Variants in EIF4E observed in about 807,000 individuals in gnomAD.
EIF4E encodes the protein eIF-4F 25 kDa subunit.
For synonymous variants in EIF4E, 71 were observed against 88.5 expected (o/e 0.80, Z 1.11); for missense variants, 113 against 265.6 (o/e 0.43, Z 3.99).
chr4:98,904,727 T>C (rs1016123555), intron 1 of EIF4E, among the ~76,000 whole-genome samples: 3 of 152,142 alleles, frequency 2.0e-5, no homozygotes, highest in African/African-American at 7.2e-5. Context: ...GCACAGATCG[T>C]GCCACTGTTC....
At chr4:98,881,867 G>A (rs908683957) in intron 6 of EIF4E, among the ~76,000 whole-genome samples, 1 of 152,064 alleles carries the variant, frequency 6.6e-6, no homozygotes, top group African/African-American at 2.4e-5. Context: ...TAAACATAAG[G>A]GCTGTGATAC....
chr4:98,914,948 A>G (rs2110214431), intron 1 of EIF4E, among the ~76,000 whole-genome samples: 1 of 152,244 alleles, frequency 6.6e-6, no homozygotes, highest in East Asian at 1.9e-4. Flanking sequence ...AAGAAAATTA[A>G]GTAGTTAGTT....
intron 6 of EIF4E, among the ~76,000 whole-genome samples, chr4:98,884,135 C>T (rs867177129): frequency 9.3e-5 from 14 of 151,292 alleles, no homozygotes; most frequent in Middle Eastern, 3.4e-3. Context: ...GGAACAAAAA[C>T]CAAGATATGT....
At position 98,929,059 on chromosome 4, in the gene EIF4E, G is replaced by C. The variant is rs748769708; in HGVS notation, c.18+36C>G. On this transcript the variant is annotated intron_variant, in intron 1 of 6. Coordinates refer to ENST00000450253, the MANE Select transcript of EIF4E (RefSeq NM_001968.5). ...CAGTCAGAAGGAAGACGGAGCGCGG[G>C]GACCCGTGGGGGTGGGGGCCAAAGG... 1.3e-5 allele frequency: 20 copies of C among 1,576,658 alleles called. No homozygotes were observed. In the South Asian group the frequency reaches 2.2e-4, roughly 17 times the overall value.
At chr4:98,892,335 A>AAAC (rs201097099) in intron 2 of EIF4E, among the ~76,000 whole-genome samples, 1 of 88,588 alleles carries the variant, frequency 1.1e-5, no homozygotes, top group Non-Finnish European at 2.4e-5. Flanking sequence ...AAACAAAAAA[A>AAAC]CAAACAAAAA....
chr4:98,928,334 T>C (rs1309016880), intron 1 of EIF4E, among the ~76,000 whole-genome samples: 1 of 151,990 alleles, frequency 6.6e-6, no homozygotes, highest in Non-Finnish European at 1.5e-5. Flanking sequence ...GAGGACAATG[T>C]GATACCCCTT....
rs1164471950 is a variant in EIF4E, at chr4:98,928,811, C to G, written c.18+284G>C. On this transcript the variant is annotated intron_variant, in intron 1 of 6. Coordinates refer to ENST00000450253, the MANE Select transcript of EIF4E (RefSeq NM_001968.5). Reference sequence around the variant, plus strand: ...CCCAGCCCAGAACCCCAGCTACCCTCCACCCTGTAGACACCTCGCGGTTCC... The same window carrying G: ...CCCAGCCCAGAACCCCAGCTACCCTGCACCCTGTAGACACCTCGCGGTTCC... The G allele has an allele frequency of 1.4e-5, 21 of 1,492,788 alleles. No homozygotes were observed. The Admixed American group carries it at 3.8e-4, about 27-fold the overall frequency. The allele number at this position is 1,492,788 out of a possible 1,614,324, so 92.5% of individuals were successfully genotyped here.
chr4:98,901,769 T>C (rs2110198900), intron 2 of EIF4E, 107 bp downstream of exon 2: 2 of 1,036,412 alleles, frequency 1.9e-6, no homozygotes, highest in East Asian at 2.4e-5. Context: ...CCCTCAACCT[T>C]AGCATATCTA....
intron 1 of EIF4E, among the ~76,000 whole-genome samples, chr4:98,908,246 A>T (rs1243518348): frequency 6.6e-6 from 1 of 152,194 alleles, no homozygotes; most frequent in Admixed American, 6.5e-5. Flanking sequence ...TGATTAAGTT[A>T]GAAATAATTA....
At chr4:98,909,435 G>C in intron 1 of EIF4E, 1 of 478,218 alleles carries the variant, frequency 2.1e-6, no homozygotes, top group South Asian at 4.1e-5. Context: ...CACATAAAAA[G>C]AATCACGTTC....
In EIF4E at chr4:98,929,103, C is replaced by T. The variant is rs750575002; in HGVS notation, c.10G>A (p.Val4Ile). 9 of 1,579,962 alleles carry T rather than the reference C, an allele frequency of 5.7e-6. No individual in the cohort carries two copies. The highest frequency in any genetic ancestry group is 6.0e-6 in the Non-Finnish European group (7 of 1,162,686). ...CCAAAGGCAATACTCACCGGTTCGA[C>T]AGTCGCCATCTTAGATCGATCTGAT... Reference protein sequence around the residue: MATVEPETTPTPNP... With the variant: MATIEPETTPTPNP... Residue 4 changes from valine (V) to isoleucine (I), a missense_variant, in exon 1 of 7, where the codon GTC becomes ATC. Val to Ile is a conservative substitution (Grantham distance 29). Transcript: ENST00000450253.
intron 1 of EIF4E, among the ~76,000 whole-genome samples, chr4:98,921,506 C>A (rs1725644107): frequency 6.6e-6 from 1 of 151,866 alleles, no homozygotes; most frequent in African/African-American, 2.4e-5. Context: ...GTAGCTAGGA[C>A]TACAGGCACC....
chr4:98,885,200 T>C, intron 5 of EIF4E, 139 bp from the exon 6 acceptor site: 1 of 1,039,504 alleles, frequency 9.6e-7, no homozygotes. Context: ...AAATTTTATT[T>C]GCATATATTG....
At chr4:98,927,527 G>C (rs557528709) in intron 1 of EIF4E, among the ~76,000 whole-genome samples, 1 of 151,612 alleles carries the variant, frequency 6.6e-6, no homozygotes, top group Non-Finnish European at 1.5e-5. Context: ...ACGGTTGTGC[G>C]CACCTGTAAT....
At chr4:98,920,658 A>G (rs1033058941) in intron 1 of EIF4E, among the ~76,000 whole-genome samples, 10 of 152,152 alleles carry the variant, frequency 6.6e-5, no homozygotes, top group Non-Finnish European at 1.3e-4. Flanking sequence ...TTGGACCATG[A>G]GTATGTAACT....
chr4:98,922,632 T>C (rs901414011), intron 1 of EIF4E, among the ~76,000 whole-genome samples: 5 of 152,152 alleles, frequency 3.3e-5, no homozygotes, highest in East Asian at 3.9e-4. Context: ...ATAAGTGCTA[T>C]GTGTAGCAAT....
intron 6 of EIF4E, among the ~76,000 whole-genome samples, chr4:98,883,393 A>ATTTTTTTTTTTTTTTTTTTT (rs11408890): frequency 9.6e-6 from 1 of 103,896 alleles, no homozygotes; most frequent in Non-Finnish European, 1.8e-5. Flanking sequence ...TGTAAGTCAA[A>ATTTTTTTTTTTTTTTTTTTT]TTTTTTTTTT....
chr4:98,927,550 A>G (rs11097640), intron 1 of EIF4E, among the ~76,000 whole-genome samples: 84,529 of 150,394 alleles, frequency 0.56, 26,135 homozygotes, highest in African/African-American at 0.84. Flanking sequence ...CAGCTACTCA[A>G]GAGGCTGAAG....
chr4:98,901,632 T>A (rs1433191564), intron 2 of EIF4E, among the ~76,000 whole-genome samples: 1 of 152,222 alleles, frequency 6.6e-6, no homozygotes, highest in Non-Finnish European at 1.5e-5. Context: ...TAAGGGAACT[T>A]ATTTACTAAT....
Sources: allele counts gnomAD v4.1 joint callset (sites outside exome capture counted in the v4.1 genomes callset), GRCh38; gene constraint gnomAD v4.1.1; transcripts MANE v1.5; gene names NCBI Gene and HGNC (gene_info 2026-07-23, HGNC 2026-07-21).